Variants in C6 observed in about 807,000 individuals in gnomAD.
C6 encodes complement C6, also known as complement component C6.
Under a neutral mutation model 112.9 loss-of-function variants are expected in C6, and 101 were observed. The observed-to-expected ratio is 0.89, with a 90% CI of 0.76 to 1.06. C6 has a LOEUF of 1.06. Among genes scored for constraint, C6 ranks in the 50% least tolerant of loss-of-function variants. The probability of loss-of-function intolerance (pLI) is 0.00; values close to 1 mark genes in which losing one functional copy is unlikely to be tolerated. For synonymous variants in C6, 431 were observed against 384.1 expected, an observed-to-expected ratio of 1.12 and a Z score of -1.43; for missense variants, 1,202 against 1,104.6, an observed-to-expected ratio of 1.09 and a Z score of -1.25.
chr5:41,153,711 CCT>C, intron 15 of C6, 97 bp downstream of exon 15: 1 of 912,524 alleles, frequency 1.1e-6, no homozygotes, highest in Non-Finnish European at 1.8e-6. Flanking sequence ...TCTTTTTTAG[CCT>C]CTCAGTGCTT....
At chr5:41,213,102 A>G (rs1366074357) in intron 1 of C6, 1 of 152,230 alleles carries the variant, frequency 6.6e-6, no homozygotes, top group African/African-American at 2.4e-5. Flanking sequence ...CAGGTGCATG[A>G]CTGACCTTGG....
In C6 at chr5:41,179,015, G is replaced by A. The variant is rs570203284; in HGVS notation, c.928-2300C>T. Among the ~76,000 whole-genome samples the A allele has an allele frequency of 3.9e-5, 6 of 152,066 alleles. No homozygotes were observed. In the South Asian group the frequency reaches 6.2e-4, roughly 16 times the overall value. ...ATCACAGGCGCACACTGCCACGCCC[G>A]GCTAATTTTTTGTATTTTAGTAGAG... is the stretch of plus-strand genomic sequence containing the variant. On this transcript the variant is annotated intron_variant, in intron 7 of 17. Transcript: ENST00000337836.
chr5:41,253,617 T>C (rs1474556802), intron 1 of C6, among the ~76,000 whole-genome samples: 1 of 152,098 alleles, frequency 6.6e-6, no homozygotes, highest in African/African-American at 2.4e-5. Flanking sequence ...CTCTATAGAG[T>C]GTAGGGTCCA....
intron 1 of C6, among the ~76,000 whole-genome samples, chr5:41,256,042 A>G (rs1419202032): frequency 2.0e-5 from 3 of 152,120 alleles, no homozygotes; most frequent in African/African-American, 4.8e-5. Context: ...TGGGGTTAAG[A>G]GTCTTAGATT....
At chr5:41,158,918 A>T in intron 12 of C6, 133 bp from the exon 13 acceptor site, 7 of 1,076,534 alleles carry the variant, frequency 6.5e-6, no homozygotes. Context: ...TACACACAGA[A>T]AAAGGCACGG....
At chr5:41,199,710 C>T (rs1410451794) in intron 4 of C6, 58 bp downstream of exon 4, 2 of 1,542,846 alleles carry the variant, frequency 1.3e-6, no homozygotes, top group East Asian at 4.5e-5. Flanking sequence ...ATTGGAGTAA[C>T]TTTGATTTAG....
chr5:41,163,310 CT>C (rs35341613), intron 9 of C6, among the ~76,000 whole-genome samples: 7,396 of 134,482 alleles, frequency 0.055, 213 homozygotes, highest in African/African-American at 0.11. Context: ...TATCAATGAA[CT>C]TTTTTTTTTT....
At position 41,203,081 on chromosome 5, in the gene C6, C is replaced by A. The variant is rs1183042355; in HGVS notation, c.143+7G>T. ...ACACAAAGAAAAGCCACAAAGCTCA[C>A]ACCCACCTGTGTCTGCTCTGGGTTC... On this transcript the variant is annotated splice_region_variant and intron_variant, in intron 2 of 17. Coordinates refer to ENST00000337836, the MANE Select transcript of C6 (RefSeq NM_000065.5). The A allele has an allele frequency of 1.2e-6, 2 of 1,613,730 alleles. No homozygotes were observed. The highest frequency in any genetic ancestry group is 1.7e-6 in the Non-Finnish European group (2 of 1,179,884).
chr5:41,161,378 A>T (rs143656603), intron 10 of C6, among the ~76,000 whole-genome samples: 80 of 152,240 alleles, frequency 5.3e-4, no homozygotes, highest in African/African-American at 1.9e-3. Context: ...CAGAAACCAG[A>T]TTTATTGTAT....
At chr5:41,166,869 A>G (rs889241602) in intron 9 of C6, among the ~76,000 whole-genome samples, 5 of 152,154 alleles carry the variant, frequency 3.3e-5, no homozygotes, top group African/African-American at 7.2e-5. Flanking sequence ...TAGCTATTAC[A>G]TCTTTAGCAT....
At chr5:41,241,760 A>G (rs1440402452) in intron 1 of C6, among the ~76,000 whole-genome samples, 1 of 152,216 alleles carries the variant, frequency 6.6e-6, no homozygotes, top group Non-Finnish European at 1.5e-5. Flanking sequence ...ATGCTACTAC[A>G]TATAAAGCTT....
intron 5 of C6, among the ~76,000 whole-genome samples, chr5:41,191,118 G>T (rs1750170261): frequency 7.2e-6 from 1 of 138,420 alleles, no homozygotes; most frequent in South Asian, 2.4e-4. Context: ...CCAGGCTGGA[G>T]TGCAGTGGCA....
chr5:41,178,395 T>C (rs1410902332), intron 7 of C6, among the ~76,000 whole-genome samples: 1 of 152,014 alleles, frequency 6.6e-6, no homozygotes, highest in Admixed American at 6.6e-5. Context: ...TTCAATTTTG[T>C]GGTATCTTGT....
At chr5:41,248,510 A>G (rs1261879213) in intron 1 of C6, among the ~76,000 whole-genome samples, 2 of 152,248 alleles carry the variant, frequency 1.3e-5, no homozygotes, top group Non-Finnish European at 2.9e-5. Flanking sequence ...AGAAATGGGC[A>G]AAAACATGAA....
chr5:41,201,350 T>G (rs1393454542), intron 3 of C6, among the ~76,000 whole-genome samples: 1 of 152,162 alleles, frequency 6.6e-6, no homozygotes, highest in Non-Finnish European at 1.5e-5. Flanking sequence ...AAAATTTCCT[T>G]TTTGTGTTCT....
chr5:41,246,914 A>G (rs1437202078), intron 1 of C6, among the ~76,000 whole-genome samples: 1 of 152,222 alleles, frequency 6.6e-6, no homozygotes, highest in Non-Finnish European at 1.5e-5. Context: ...TAGAAGTAAC[A>G]TAATAAATTT....
At chr5:41,253,816 T>C (rs1741514175) in intron 1 of C6, among the ~76,000 whole-genome samples, 1 of 152,250 alleles carries the variant, frequency 6.6e-6, no homozygotes, top group Non-Finnish European at 1.5e-5. Context: ...TCCAAAGCTG[T>C]AATTAAATTG....
At chr5:41,253,213 G>T (rs964022283) in intron 1 of C6, among the ~76,000 whole-genome samples, 6 of 152,244 alleles carry the variant, frequency 3.9e-5, no homozygotes, top group African/African-American at 1.4e-4. Context: ...CTTTCTGGCT[G>T]GTAGGAATAT....
Position 41,159,196 on chromosome 5 carries a change from T to A in C6, c.1742A>T (p.Tyr581Phe). The A allele has an allele frequency of 6.2e-7, 1 of 1,613,576 alleles. No homozygotes were observed. The highest frequency in any genetic ancestry group is 8.5e-7 in the Non-Finnish European group (1 of 1,179,740). The change falls in exon 12 of 18, where the codon TAT becomes TTT. Residue 581 changes from tyrosine to phenylalanine, a missense_variant. Tyr to Phe is a conservative substitution (Grantham distance 22, BLOSUM62 3). Coordinates refer to ENST00000337836, the MANE Select transcript of C6 (RefSeq NM_000065.5). ...GCATTCTCGGGTTCTCGATCTCTTATAAGTAGCATCACAGGTACTCCAGGA... is the reference window on the plus strand; with the variant it reads ...GCATTCTCGGGTTCTCGATCTCTTAAAAGTAGCATCACAGGTACTCCAGGA... ...WSSWSTCDAT[Y>F]KRSRTRECNN...
Sources: gnomAD v4.1 joint callset for allele counts (sites outside exome capture counted in the v4.1 genomes callset) on GRCh38, gnomAD v4.1.1 for gene constraint, MANE v1.5 for transcripts, NCBI Gene and HGNC (gene_info 2026-07-23, HGNC 2026-07-21) for gene names.